ZFP1: variants seen among roughly 807,000 people sequenced by gnomAD.
The protein encoded by ZFP1 is zinc finger protein 1 homolog.
A neutral mutation model predicts 38.5 loss-of-function variants in ZFP1; 32 were observed. The observed-to-expected ratio is 0.83, with a 90% CI of 0.63 to 1.12. The LOEUF is 1.12. ZFP1 is among the 50% of genes most tolerant of loss of function. The probability of loss-of-function intolerance (pLI) is 0.00; values close to 1 mark genes in which losing one functional copy is unlikely to be tolerated. For synonymous variants in ZFP1, 245 were observed against 168.8 expected (o/e 1.45, Z -3.50); for missense variants, 616 against 480.8 (o/e 1.28, Z -2.63).
the ZFP1 span, chr16:75,132,741 C>G: frequency 6.7e-6 from 1 of 148,180 alleles, no homozygotes; most frequent in African/African-American, 2.5e-5. Context: ...GCTGCAACCT[C>G]TGCCTCCTGA....
At chr16:75,167,832 C>T (rs1180538863) in intron 3 of ZFP1, among the ~76,000 whole-genome samples, 1 of 152,126 alleles carries the variant, frequency 6.6e-6, no homozygotes, top group Admixed American at 6.6e-5. Context: ...CGCCATGGCT[C>T]ATGCTTATAA....
At chr16:75,163,697 G>C (rs2037910536) in intron 2 of ZFP1, among the ~76,000 whole-genome samples, 1 of 149,556 alleles carries the variant, frequency 6.7e-6, no homozygotes, top group South Asian at 2.1e-4. Flanking sequence ...CTGTAGCCTT[G>C]ACCTCCCAGG....
At chr16:75,154,717 G>A (rs748586542) in intron 2 of ZFP1, among the ~76,000 whole-genome samples, 54 of 152,244 alleles carry the variant, frequency 3.5e-4, no homozygotes, top group Admixed American at 1.1e-3. Context: ...TCCTGAATGA[G>A]AGTTTCTACG....
At chr16:75,132,554 TA>T in the ZFP1 span, 2 of 152,164 alleles carry the variant, frequency 1.3e-5, no homozygotes, top group Non-Finnish European at 2.9e-5. Flanking sequence ...GGAACCATGC[TA>T]GATCTGCGCT....
rs190170662 is a variant in ZFP1 at position 75,166,685 on chromosome 16, C to A, written c.16-85C>A. ...ATCGTTGGTGTAATATATAGATTTT[C>A]ATGATGAATGACATAAAGTTTTCAT... is the stretch of plus-strand genomic sequence containing the variant. On this transcript the variant is annotated intron_variant, in intron 2 of 3. Transcript: ENST00000570010. 915 of 1,597,586 alleles carry A rather than the reference C, an allele frequency of 5.7e-4. 8 individuals are homozygous for A. The African/African-American group carries it at 0.011, about 20-fold the overall frequency.
chr16:75,153,855 C>CT (rs1269953106), intron 2 of ZFP1, among the ~76,000 whole-genome samples: 1 of 152,210 alleles, frequency 6.6e-6, no homozygotes, highest in Non-Finnish European at 1.5e-5. Context: ...ACCTCTCCCT[C>CT]TGTCTCCCTA....
Position 75,170,426 on chromosome 16 carries a change from T to G in ZFP1, c.*92T>G. On this transcript the variant is annotated 3_prime_UTR_variant, in exon 4 of 4. Coordinates refer to ENST00000570010, the MANE Select transcript of ZFP1 (RefSeq NM_153688.4). ...GACAGTATTGAGGGAACATGGGAAT[T>G]CATACTGAGATGCAATCTCTCAACT... 3 of 1,443,400 alleles carry G rather than the reference T, an allele frequency of 2.1e-6. No individual in the cohort carries two copies. Among genetic ancestry groups the G allele is most frequent in the Non-Finnish European group, 2.7e-6 (3 of 1,094,942 alleles). The allele number at this position is 1,443,400 out of a possible 1,614,324, so 89.4% of individuals were successfully genotyped here.
At chr16:75,138,024 CTTTTTTTTTTTTTTTTTTT>C in the ZFP1 span, among the ~76,000 whole-genome samples, 3 of 64,938 alleles carry the variant, frequency 4.6e-5, 1 homozygote, top group African/African-American at 2.2e-4. Context: ...CTCCCACTTC[CTTTTTTTTTTTTTTTTTTT>C]TTTTTTTTTT....
the ZFP1 span, among the ~76,000 whole-genome samples, chr16:75,123,449 GTATATGTATATA>G: frequency 4.1e-5 from 2 of 48,386 alleles, no homozygotes; most frequent in Admixed American, 2.5e-4. Flanking sequence ...GTGTGTGTGT[GTATATGTATATA>G]TATATATATA....
chr16:75,161,787 T>A lies in ZFP1; in HGVS notation c.16-4983T>A, dbSNP rs1240720555. ...ATATATATATATATTTTTTTTTTTT[T>A]TTTTTTTTTTTTTCCTGAGATGGAG... On this transcript the variant is annotated intron_variant, in intron 2 of 3. Transcript: ENST00000570010. Among the ~76,000 whole-genome samples, 79 of 73,862 alleles carry A rather than the reference T, an allele frequency of 1.1e-3. 9 individuals carry two copies. In the East Asian group the frequency reaches 0.02, roughly 18 times the overall value. The allele number at this position is 73,862 out of a possible 152,430, so 48.5% of individuals were successfully genotyped here.
At position 75,153,524 on chromosome 16, in the gene ZFP1, C is replaced by T. The variant is rs548204790; in HGVS notation, c.15+558C>T. Among the ~76,000 whole-genome samples the T allele has an allele frequency of 1.1e-4, 16 of 152,198 alleles. No individual in the cohort carries two copies. The South Asian group carries it at 1.4e-3, about 14-fold the overall frequency. The stretch of plus-strand genomic sequence containing the variant: ...TTAATCATACTGTTCTGTTTATATG[C>T]GTTCTGTTTTAATAGATTTCATTTT... On this transcript the variant is annotated intron_variant, in intron 2 of 3. Coordinates refer to ENST00000570010, the MANE Select transcript of ZFP1 (RefSeq NM_153688.4).
the ZFP1 span, among the ~76,000 whole-genome samples, chr16:75,122,731 G>A: frequency 1.3e-5 from 2 of 152,154 alleles, no homozygotes; most frequent in African/African-American, 4.8e-5. Context: ...TGTTTGTTTT[G>A]GAAAAGCACT....
chr16:75,165,210 C>G (rs1416620193), intron 2 of ZFP1, among the ~76,000 whole-genome samples: 7 of 152,124 alleles, frequency 4.6e-5, no homozygotes, highest in African/African-American at 1.2e-4. Flanking sequence ...TTAGCAGAGA[C>G]TACATGTAGC....
At chr16:75,128,507 A>T in the ZFP1 span, among the ~76,000 whole-genome samples, 1 of 152,234 alleles carries the variant, frequency 6.6e-6, no homozygotes, top group African/African-American at 2.4e-5. Context: ...TGTTTCCAAA[A>T]CTATAGTAAC....
At chr16:75,166,687 T>TG in intron 2 of ZFP1, 83 bp from the exon 3 acceptor site, 1 of 1,597,924 alleles carries the variant, frequency 6.3e-7, no homozygotes, top group Non-Finnish European at 8.5e-7. Flanking sequence ...TAGATTTTCA[T>TG]GATGAATGAC....
At chr16:75,148,165 T>C (rs1010782955), upstream of ZFP1, among the ~76,000 whole-genome samples, 1 of 152,232 alleles carries the variant, frequency 6.6e-6, no homozygotes, top group Non-Finnish European at 1.5e-5. Context: ...CAGTTAATCT[T>C]TAGAAAGTGA....
the ZFP1 span, among the ~76,000 whole-genome samples, chr16:75,142,847 G>C: frequency 6.6e-6 from 1 of 151,580 alleles, no homozygotes; most frequent in Non-Finnish European, 1.5e-5. Context: ...GAGTACAGGT[G>C]TCCATCACCA....
chr16:75,139,193 C>G, the ZFP1 span, among the ~76,000 whole-genome samples: 1 of 151,672 alleles, frequency 6.6e-6, no homozygotes, highest in Non-Finnish European at 1.5e-5. Flanking sequence ...CACGGCGAAA[C>G]CCCGTCTCTA....
chr16:75,168,070 A>G (rs2038196011), intron 3 of ZFP1, among the ~76,000 whole-genome samples: 1 of 152,112 alleles, frequency 6.6e-6, no homozygotes. Context: ...CAAAAAAACA[A>G]AAATAAGACC....
Sources: gnomAD v4.1 joint callset for allele counts (sites outside exome capture counted in the v4.1 genomes callset) on GRCh38, gnomAD v4.1.1 for gene constraint, MANE v1.5 for transcripts, NCBI Gene and HGNC (gene_info 2026-07-23, HGNC 2026-07-21) for gene names.